The following SLC7A11 variants were observed in gnomAD, a reference collection of about 807,000 sequenced individuals.
The protein encoded by SLC7A11 is solute carrier family 7 member 11.
In SLC7A11, 35 loss-of-function variants were observed where a neutral mutation model predicts 54.5. That is an observed-to-expected ratio of 0.64 (90% CI 0.49 to 0.85). The LOEUF (loss-of-function observed/expected upper bound fraction) is 0.85. SLC7A11 is among the 40% of genes least tolerant of loss of function. SLC7A11 has a pLI of 0.00. For synonymous variants in SLC7A11, 230 were observed against 225.2 expected (o/e 1.02, Z -0.19); for missense variants, 583 against 618.1 (o/e 0.94, Z 0.60).
At chr4:138,238,141 C>T (rs1161272964) in intron 1 of SLC7A11, among the ~76,000 whole-genome samples, 2 of 152,132 alleles carry the variant, frequency 1.3e-5, no homozygotes, top group Non-Finnish European at 2.9e-5. Context: ...TAACATTTAA[C>T]GATACAATTC....
At chr4:138,194,255 C>A (rs1014252147) in intron 6 of SLC7A11, among the ~76,000 whole-genome samples, 2 of 152,116 alleles carry the variant, frequency 1.3e-5, no homozygotes, top group Non-Finnish European at 2.9e-5. Context: ...CTCAGAATGG[C>A]AGAACCTCCT....
intron 3 of SLC7A11, among the ~76,000 whole-genome samples, chr4:138,227,553 T>C (rs2148449493): frequency 6.6e-6 from 1 of 152,332 alleles, no homozygotes; most frequent in Non-Finnish European, 1.5e-5. Flanking sequence ...GTCATTTTAT[T>C]GGCTTTATTT....
chr4:138,208,758 A>G (rs1737471113), intron 6 of SLC7A11, among the ~76,000 whole-genome samples: 1 of 150,818 alleles, frequency 6.6e-6, no homozygotes, highest in African/African-American at 2.4e-5. Flanking sequence ...TAATTTGTGG[A>G]GTCAGCCATA....
chr4:138,212,055 A>T (rs896100645), intron 6 of SLC7A11, among the ~76,000 whole-genome samples: 1 of 151,946 alleles, frequency 6.6e-6, no homozygotes, highest in Non-Finnish European at 1.5e-5. Flanking sequence ...AAAAAGATAC[A>T]TGTTTGAGGT....
Position 138,231,147 on chromosome 4 carries a change from C to T in SLC7A11, c.520+1120G>A, listed in dbSNP as rs181742014. Among the ~76,000 whole-genome samples, 65 of 151,976 alleles carry T rather than the reference C, an allele frequency of 4.3e-4. No homozygotes were observed. The East Asian group carries it at 6.2e-3, about 14-fold the overall frequency. On this transcript the variant is annotated intron_variant, in intron 3 of 11. Transcript: ENST00000280612. Reference sequence around the variant, plus strand: ...GAGCTAAATAATGTATACACATAGACGTAGAGTGTGAAATAATAGACATCG... The same window carrying T: ...GAGCTAAATAATGTATACACATAGATGTAGAGTGTGAAATAATAGACATCG...
Position 138,219,246 on chromosome 4 carries a change from A to T in SLC7A11, c.746+20T>A. 1 of 1,397,678 alleles carries T rather than the reference A, an allele frequency of 7.2e-7. No homozygotes were observed. Among genetic ancestry groups the T allele is most frequent in the Non-Finnish European group, 1.0e-6 (1 of 983,632 alleles). The allele number at this position is 1,397,678 out of a possible 1,614,324, so 86.6% of individuals were successfully genotyped here. ...ATTAATGAACTACGCAAACCACCAG[A>T]TCTGGAGCTATCAACTTACCAGCCA... On this transcript the variant is annotated intron_variant, in intron 5 of 11. Coordinates refer to ENST00000280612, the MANE Select transcript of SLC7A11 (RefSeq NM_014331.4).
intron 4 of SLC7A11, among the ~76,000 whole-genome samples, chr4:138,220,998 C>G (rs1213770900): frequency 1.3e-5 from 2 of 152,156 alleles, no homozygotes; most frequent in Non-Finnish European, 2.9e-5. Flanking sequence ...GCCCATTTTA[C>G]TAAAACATCA....
intron 11 of SLC7A11, among the ~76,000 whole-genome samples, chr4:138,178,822 C>G (rs1172468740): frequency 1.3e-5 from 2 of 152,068 alleles, no homozygotes; most frequent in African/African-American, 4.8e-5. Flanking sequence ...AGGCCACTGC[C>G]TAACTCCCCA....
At position 138,167,411 on chromosome 4, in the gene SLC7A11, CA is replaced by C; in HGVS notation, c.*4544del. The C allele has an allele frequency of 6.6e-6, 1 of 152,226 alleles. No individual in the cohort carries two copies. The highest frequency in any genetic ancestry group is 1.5e-5 in the Non-Finnish European group (1 of 68,070). The allele number at this position is 152,226 out of a possible 1,614,324, so 9.4% of individuals were successfully genotyped here. A position where few individuals can be genotyped will look rare whatever the true frequency, so the allele number is the denominator to read the frequency against. ...AGGTGATTCGCCCGCCTCAGCCTCCCAAAGTGCTGGGATTACAGGCATGAGC... is the reference window on the plus strand; with the variant it reads ...AGGTGATTCGCCCGCCTCAGCCTCCCAAGTGCTGGGATTACAGGCATGAGC... On this transcript the variant is annotated 3_prime_UTR_variant, in exon 12 of 12. Coordinates refer to ENST00000280612, the MANE Select transcript of SLC7A11 (RefSeq NM_014331.4).
chr4:138,222,928 G>A (rs1203727073), intron 4 of SLC7A11, among the ~76,000 whole-genome samples: 1 of 147,376 alleles, frequency 6.8e-6, no homozygotes, highest in Non-Finnish European at 1.5e-5. Flanking sequence ...TTTCCACTTC[G>A]AGTTTTCACT....
intron 8 of SLC7A11, 53 bp downstream of exon 8, chr4:138,183,149 C>T (rs1353145237): frequency 5.6e-6 from 7 of 1,243,378 alleles, no homozygotes; most frequent in Non-Finnish European, 8.2e-6. Flanking sequence ...ATCCTTATCA[C>T]ATCCAATCTC....
Position 138,242,198 on chromosome 4 carries a change from T to C in SLC7A11, c.-129A>G, listed in dbSNP as rs1178268129. 5 of 1,102,206 alleles carry C rather than the reference T, an allele frequency of 4.5e-6. No individual in the cohort carries two copies. The highest frequency in any genetic ancestry group is 1.6e-5 in the South Asian group (1 of 62,912). 68.3% of individuals were successfully genotyped at this position (1,102,206 alleles called of 1,614,324 possible). A position where few individuals can be genotyped will look rare whatever the true frequency, so the allele number is the denominator to read the frequency against. ...ACTGTCTCTCTCAGCGCTATAGTGTTCACAGGTGAAAACTCAAAGGTGTGC... is the reference window on the plus strand; with the variant it reads ...ACTGTCTCTCTCAGCGCTATAGTGTCCACAGGTGAAAACTCAAAGGTGTGC... On this transcript the variant is annotated 5_prime_UTR_variant, in exon 1 of 12. Coordinates refer to ENST00000280612, the MANE Select transcript of SLC7A11 (RefSeq NM_014331.4).
At chr4:138,240,579 A>AAAT (rs1236040518) in intron 1 of SLC7A11, among the ~76,000 whole-genome samples, 2 of 151,650 alleles carry the variant, frequency 1.3e-5, no homozygotes, top group East Asian at 3.9e-4. Context: ...AAAAAAAAAA[A>AAAT]AATGGAATTT....
At chr4:138,184,851 G>C (rs758427315) in intron 7 of SLC7A11, among the ~76,000 whole-genome samples, 4 of 152,010 alleles carry the variant, frequency 2.6e-5, no homozygotes, top group Non-Finnish European at 5.9e-5. Flanking sequence ...AGACATGCTG[G>C]GAGAATAAGC....
At chr4:138,225,162 A>G (rs542725532) in intron 3 of SLC7A11, among the ~76,000 whole-genome samples, 351 of 145,770 alleles carry the variant, frequency 2.4e-3, no homozygotes, top group African/African-American at 8.2e-3. Context: ...ATATATATAT[A>G]TATATATATA....
chr4:138,182,390 TA>T lies in SLC7A11; in HGVS notation c.1022del (p.Leu341TyrfsTer17). On this transcript the variant is annotated frameshift_variant and splice_region_variant, in exon 9 of 12. Transcript: ENST00000280612. LOFTEE classifies it high-confidence loss of function. ...GACCCTCTCGAGACGCAACATAGAA[TA>T]ACCTGATGGGAGAGAAATGTGGGTG... ...MNGGVFAVSR[L>X]FYVASREGHL... The T allele has an allele frequency of 6.3e-7, 1 of 1,593,850 alleles. No homozygotes were observed. The highest frequency in any genetic ancestry group is 8.6e-7 in the Non-Finnish European group (1 of 1,162,270).
At chr4:138,205,672 C>A (rs1326336938) in intron 6 of SLC7A11, among the ~76,000 whole-genome samples, 1 of 151,996 alleles carries the variant, frequency 6.6e-6, no homozygotes, top group Non-Finnish European at 1.5e-5. Context: ...TATTTGTGAA[C>A]CTCATTTTGG....
intron 6 of SLC7A11, among the ~76,000 whole-genome samples, chr4:138,199,202 T>G (rs1329722604): frequency 6.6e-6 from 1 of 152,112 alleles, no homozygotes; most frequent in African/African-American, 2.4e-5. Flanking sequence ...GCACAAACTG[T>G]GGGGGAAACA....
At chr4:138,190,544 T>C (rs1011462825) in intron 6 of SLC7A11, among the ~76,000 whole-genome samples, 2 of 152,146 alleles carry the variant, frequency 1.3e-5, no homozygotes, top group Admixed American at 6.5e-5. Context: ...CTTCTCTCTT[T>C]TCAACCCACC....
Sources: allele counts gnomAD v4.1 joint callset (sites outside exome capture counted in the v4.1 genomes callset), GRCh38; gene constraint gnomAD v4.1.1; transcripts MANE v1.5; gene names NCBI Gene and HGNC (gene_info 2026-07-23, HGNC 2026-07-21).